The following CDH11 variants were observed in gnomAD, a reference collection of about 807,000 sequenced individuals.
The protein encoded by CDH11 is cadherin-11.
Under a neutral mutation model 67.8 loss-of-function variants are expected in CDH11, and 11 were observed. The ratio of observed to expected loss-of-function variants is 0.16; its 90% confidence interval spans 0.10 to 0.27. The LOEUF (loss-of-function observed/expected upper bound fraction) is 0.27, where lower values mean the gene tolerates loss of function less well. Ranked by LOEUF, CDH11 falls within the 10% of genes least tolerant of loss-of-function variation. CDH11 has a pLI of 1.00. For missense variants in CDH11, 847 were observed against 1,031.2 expected (o/e 0.82, Z 2.45); for synonymous variants, 419 against 400.0 (o/e 1.05, Z -0.57).
At chr16:65,014,919 G>A (rs772673407) in intron 2 of CDH11, among the ~76,000 whole-genome samples, 10 of 151,518 alleles carry the variant, frequency 6.6e-5, no homozygotes, top group East Asian at 1.9e-4. Context: ...GCAATGGCAC[G>A]ATCTCAGCTC....
chr16:65,005,388 G>C (rs2073030251), intron 2 of CDH11, among the ~76,000 whole-genome samples: 1 of 152,172 alleles, frequency 6.6e-6, no homozygotes, highest in South Asian at 2.1e-4. Flanking sequence ...TCCAGATGAG[G>C]AACATATAAT....
chr16:64,951,775 T>C (rs1376281646), intron 11 of CDH11, among the ~76,000 whole-genome samples: 1 of 152,158 alleles, frequency 6.6e-6, no homozygotes, highest in African/African-American at 2.4e-5. Flanking sequence ...ATGAATCCAC[T>C]CATTAGTCAT....
chr16:65,053,069 A>C (rs2074084541), intron 2 of CDH11, among the ~76,000 whole-genome samples: 1 of 152,214 alleles, frequency 6.6e-6, no homozygotes. Flanking sequence ...AGCCGTAGGC[A>C]CTTGGATAAG....
chr16:64,946,100 C>T lies in CDH11; in HGVS notation c.*1503G>A. 5 of 1,057,898 alleles carry T rather than the reference C, an allele frequency of 4.7e-6. No homozygotes were observed. The highest frequency in any genetic ancestry group is 5.7e-6 in the Non-Finnish European group (5 of 874,596). The allele number at this position is 1,057,898 out of a possible 1,614,324, so 65.5% of individuals were successfully genotyped here. ...ATCGACTCTCAGAATCCAAAATGGT[C>T]CCTGCCCTCATTCTGAGCTTACGGC... is the stretch of plus-strand genomic sequence containing the variant. On this transcript the variant is annotated 3_prime_UTR_variant, in exon 13 of 13. Coordinates refer to ENST00000268603, the MANE Select transcript of CDH11 (RefSeq NM_001797.4).
At chr16:64,994,885 C>T (rs991201169) in intron 4 of CDH11, among the ~76,000 whole-genome samples, 7 of 152,100 alleles carry the variant, frequency 4.6e-5, no homozygotes, top group Admixed American at 1.3e-4. Flanking sequence ...AATCAAGGTA[C>T]AAAAGTCAAC....
chr16:65,039,740 C>T (rs1400311047), intron 2 of CDH11, among the ~76,000 whole-genome samples: 1 of 152,118 alleles, frequency 6.6e-6, no homozygotes, highest in Non-Finnish European at 1.5e-5. Flanking sequence ...AGCTTCTGCA[C>T]AGCAAAAGAA....
Position 64,947,144 on chromosome 16 carries a change from A to G in CDH11, c.*459T>C, listed in dbSNP as rs964337088. The G allele has an allele frequency of 1.6e-5, 17 of 1,045,070 alleles. No individual in the cohort carries two copies. Among genetic ancestry groups the G allele is most frequent in the Non-Finnish European group, 2.0e-5 (17 of 864,536 alleles). 64.7% of individuals were successfully genotyped at this position (1,045,070 alleles called of 1,614,324 possible). A position where few individuals can be genotyped will look rare whatever the true frequency, so the allele number is the denominator to read the frequency against. On this transcript the variant is annotated 3_prime_UTR_variant, in exon 13 of 13. Coordinates refer to ENST00000268603, the MANE Select transcript of CDH11 (RefSeq NM_001797.4). ...TTGTATGGGTTTAAGCTGGCTGAAT[A>G]TTATATATTTCAAGTTTAAAAATGC... is the stretch of plus-strand genomic sequence containing the variant.
intron 2 of CDH11, among the ~76,000 whole-genome samples, chr16:65,049,371 G>C (rs1425207937): frequency 1.3e-5 from 2 of 152,064 alleles, no homozygotes; most frequent in African/African-American, 2.4e-5. Context: ...CTTAGGAATG[G>C]AGACCCTGTC....
At position 65,046,043 on chromosome 16, in the gene CDH11, G is replaced by A. The variant is rs377632644; in HGVS notation, c.-173+7761C>T. On this transcript the variant is annotated intron_variant, in intron 2 of 12. Transcript: ENST00000268603. ...TACTAAGTTACTTCCTGCTTGTCAT[G>A]CTGTTCGAAGTCCCTCTCACTTTGA... Among the ~76,000 whole-genome samples the A allele has an allele frequency of 1.6e-4, 24 of 152,300 alleles. No homozygotes were observed. The East Asian group carries it at 2.5e-3, about 16-fold the overall frequency.
At chr16:65,002,225 C>T (rs1024933767) in intron 3 of CDH11, among the ~76,000 whole-genome samples, 3 of 151,994 alleles carry the variant, frequency 2.0e-5, no homozygotes, top group East Asian at 1.9e-4. Context: ...TTCCTTTCCC[C>T]TCTTTTTTTT....
At chr16:64,971,400 C>T (rs1017126153) in intron 11 of CDH11, among the ~76,000 whole-genome samples, 179 bp downstream of exon 11, 3 of 152,312 alleles carry the variant, frequency 2.0e-5, no homozygotes, top group Middle Eastern at 3.4e-3. Context: ...ATTAGACTCA[C>T]TTATTCGCAT....
intron 1 of CDH11, among the ~76,000 whole-genome samples, chr16:65,100,987 T>C (rs1005785510): frequency 6.6e-6 from 1 of 152,206 alleles, no homozygotes; most frequent in Admixed American, 6.5e-5. Flanking sequence ...AAGATAGACA[T>C]TTAATTGCTT....
intron 1 of CDH11, among the ~76,000 whole-genome samples, chr16:65,079,876 C>T (rs1292415783): frequency 1.3e-5 from 2 of 152,186 alleles, no homozygotes; most frequent in African/African-American, 4.8e-5. Flanking sequence ...ATCAACTGAT[C>T]CATCTCCTGG....
Position 64,946,992 on chromosome 16 carries a change from G to A in CDH11, c.*611C>T. On this transcript the variant is annotated 3_prime_UTR_variant, in exon 13 of 13. Transcript: ENST00000268603. ...ACATAGAAATAGGGCGTCTCTCACTGAAACAAGACAGTTATATCTGGCACG... is the reference window on the plus strand; with the variant it reads ...ACATAGAAATAGGGCGTCTCTCACTAAAACAAGACAGTTATATCTGGCACG... 1 of 1,001,176 alleles carries A rather than the reference G, an allele frequency of 1.0e-6. No individual in the cohort carries two copies. The highest frequency in any genetic ancestry group is 1.2e-6 in the Non-Finnish European group (1 of 831,844). 62.0% of individuals were successfully genotyped at this position (1,001,176 alleles called of 1,614,324 possible).
intron 11 of CDH11, among the ~76,000 whole-genome samples, chr16:64,963,224 C>G (rs2071720099): frequency 6.6e-6 from 1 of 152,108 alleles, no homozygotes; most frequent in Admixed American, 6.5e-5. Flanking sequence ...CATTCAAGAA[C>G]AGATGGGCAA....
chr16:64,984,711 T>C (rs1169131335), intron 7 of CDH11: 2 of 152,152 alleles, frequency 1.3e-5, no homozygotes, highest in African/African-American at 4.8e-5. Context: ...CTGTGAGATT[T>C]TATTAAGGAC....
chr16:65,065,463 T>A (rs1048915741), intron 1 of CDH11, among the ~76,000 whole-genome samples: 1 of 152,030 alleles, frequency 6.6e-6, no homozygotes, highest in African/African-American at 2.4e-5. Flanking sequence ...AAGGGCTGCT[T>A]CACGAAAGGG....
At chr16:64,997,691 A>G (rs374932065) in intron 4 of CDH11, among the ~76,000 whole-genome samples, 1 of 152,196 alleles carries the variant, frequency 6.6e-6, no homozygotes, top group African/African-American at 2.4e-5. Flanking sequence ...TTCCTGGTGG[A>G]GAAGGAATAT....
intron 11 of CDH11, among the ~76,000 whole-genome samples, chr16:64,970,785 G>A (rs1363447711): frequency 6.6e-6 from 1 of 152,262 alleles, no homozygotes; most frequent in Admixed American, 6.5e-5. Flanking sequence ...GTTAAATGGT[G>A]GCATTTGTCT....
Sources: gnomAD v4.1 joint callset for allele counts (sites outside exome capture counted in the v4.1 genomes callset) on GRCh38, gnomAD v4.1.1 for gene constraint, MANE v1.5 for transcripts, NCBI Gene and HGNC (gene_info 2026-07-23, HGNC 2026-07-21) for gene names.